TOGARAM2: variants seen among roughly 807,000 people sequenced by gnomAD.
The protein encoded by TOGARAM2 is TOG array regulator of axonemal microtubules protein 2.
In TOGARAM2, 85 loss-of-function variants were observed where a neutral mutation model predicts 93.3. That is an observed-to-expected ratio of 0.91 (90% CI 0.76 to 1.09). The LOEUF is 1.09. Ranked by LOEUF, TOGARAM2 falls within the 50% of genes least tolerant of loss-of-function variation. The pLI, the probability that TOGARAM2 is intolerant of heterozygous loss-of-function variation, is 0.00. For synonymous variants in TOGARAM2, 593 were observed against 552.8 expected (o/e 1.07, Z -1.02); for missense variants, 1,277 against 1,334.5 (o/e 0.96, Z 0.67).
chr2:28,989,656 T>C (rs1411659258), intron 1 of TOGARAM2, among the ~76,000 whole-genome samples: 1 of 152,170 alleles, frequency 6.6e-6, no homozygotes, highest in African/African-American at 2.4e-5. Flanking sequence ...CTGCCAGCCT[T>C]GGCCTCCCAA....
chr2:29,022,853 A>G (rs931694187), intron 11 of TOGARAM2, among the ~76,000 whole-genome samples: 2 of 152,104 alleles, frequency 1.3e-5, no homozygotes, highest in Non-Finnish European at 2.9e-5. Flanking sequence ...TCCATACAGC[A>G]CTGTCAGAGC....
At chr2:29,022,418 C>A in intron 11 of TOGARAM2, 110 bp downstream of exon 11, 1 of 1,466,206 alleles carries the variant, frequency 6.8e-7, no homozygotes. Context: ...GTTCCAGCAC[C>A]ATGGAGCATA....
At chr2:28,992,606 C>G (rs1049171384) in intron 1 of TOGARAM2, among the ~76,000 whole-genome samples, 5 of 152,100 alleles carry the variant, frequency 3.3e-5, no homozygotes, top group African/African-American at 1.2e-4. Flanking sequence ...TCAGGCGGCT[C>G]GAGTCTTCTT....
chr2:29,018,537 GA>G (rs1453877481), intron 10 of TOGARAM2: 1 of 151,536 alleles, frequency 6.6e-6, no homozygotes, highest in Non-Finnish European at 1.5e-5. Context: ...TTTTGCTACT[GA>G]AAAAAACTTA....
At position 29,052,053 on chromosome 2, in the gene TOGARAM2, G is replaced by A; in HGVS notation, c.3020G>A (p.Ser1007Asn). 1 of 1,600,132 alleles carries A rather than the reference G, an allele frequency of 6.2e-7. No individual in the cohort carries two copies. Among genetic ancestry groups the A allele is most frequent in the Non-Finnish European group, 8.5e-7 (1 of 1,171,814 alleles). The change falls in exon 20 of 20, where the codon AGC becomes AAC. Residue 1007 changes from serine (S) to asparagine (N), a missense_variant. Coordinates refer to ENST00000379558, the MANE Select transcript of TOGARAM2 (RefSeq NM_199280.4). Reference sequence around the variant, plus strand: ...ACTGACAGAGGGGTGGCCCCTGACAGCAAGACAACTGGCAGCTCATACCCT... The same window carrying A: ...ACTGACAGAGGGGTGGCCCCTGACAACAAGACAACTGGCAGCTCATACCCT... The part of the protein sequence containing the change: ...KATDRGVAPD[S>N]KTTGSSYPFQ...
chr2:29,039,405 C>T (rs1010118559), intron 18 of TOGARAM2, among the ~76,000 whole-genome samples: 2 of 152,146 alleles, frequency 1.3e-5, no homozygotes, highest in Non-Finnish European at 2.9e-5. Flanking sequence ...TCAAGGGGAT[C>T]AAGAATAATG....
Position 29,005,848 on chromosome 2 carries a change from ATG to A in TOGARAM2, c.830+2173_830+2174del, listed in dbSNP as rs1300862938. 3.6e-5 allele frequency among the ~76,000 whole-genome samples: 5 copies of A among 140,546 alleles called. No homozygotes were observed. In the East Asian group the frequency reaches 6.7e-4, roughly 19 times the overall value. 92.2% of individuals were successfully genotyped at this position (140,546 alleles called of 152,430 possible). ...TGTGTGCATGTGTATGTGTCAGTGC[ATG>A]TGTGTGCATATGTGTCAGTGCATGT... On this transcript the variant is annotated intron_variant, in intron 6 of 19. Coordinates refer to ENST00000379558, the MANE Select transcript of TOGARAM2 (RefSeq NM_199280.4).
In TOGARAM2 at chr2:29,003,612, C is replaced by T; in HGVS notation, c.760C>T (p.Pro254Ser). 6.3e-7 allele frequency: 1 copy of T among 1,593,296 alleles called. No individual in the cohort carries two copies. Among genetic ancestry groups the T allele is most frequent in the Non-Finnish European group, 8.5e-7 (1 of 1,170,976 alleles). ...GGTTGCAGCGACCCCCTCCCGTGTG[C>T]CTGGCTCCCTTCCCAGCCCGTTACC... ...RTVAATPSRV[P>S]GSLPSPLPPG... Residue 254 changes from proline to serine, a missense_variant, in exon 6 of 20, where the codon CCT becomes TCT. Transcript: ENST00000379558.
chr2:29,051,578 C>A, intron 19 of TOGARAM2, 178 bp from the exon 20 acceptor site: 1 of 525,316 alleles, frequency 1.9e-6, no homozygotes. Flanking sequence ...CATATATTTT[C>A]TACTAATGTT....
At chr2:28,981,093 C>T (rs1337328149), upstream of TOGARAM2, among the ~76,000 whole-genome samples, 2 of 152,234 alleles carry the variant, frequency 1.3e-5, no homozygotes, top group African/African-American at 2.4e-5. Context: ...TATGCACTTC[C>T]TGGCTGCAGT....
chr2:29,014,318 T>C (rs1337031747), intron 7 of TOGARAM2, 77 bp from the exon 8 acceptor site: 1 of 1,514,954 alleles, frequency 6.6e-7, no homozygotes, highest in South Asian at 1.2e-5. Flanking sequence ...AGCAGTAGAA[T>C]TGAGCCAGCC....
intron 19 of TOGARAM2, chr2:29,045,614 G>A: frequency 3.4e-6 from 2 of 580,910 alleles, no homozygotes; most frequent in Non-Finnish European, 6.2e-6. Context: ...AATGAAGTAG[G>A]TTTGTACAAA....
chr2:29,017,008 T>C, intron 8 of TOGARAM2, 146 bp from the exon 9 acceptor site: 1 of 989,774 alleles, frequency 1.0e-6, no homozygotes, highest in Non-Finnish European at 1.5e-6. Flanking sequence ...TCCCCCACAC[T>C]TCAAAGCTCT....
At position 29,000,282 on chromosome 2, in the gene TOGARAM2, A is replaced by G. The variant is rs546886030; in HGVS notation, c.427+814A>G. On this transcript the variant is annotated intron_variant, in intron 4 of 19. Coordinates refer to ENST00000379558, the MANE Select transcript of TOGARAM2 (RefSeq NM_199280.4). Reference sequence around the variant, plus strand: ...GCAGATGAACAAGGGATTCAACAGCAGGCACTTTATACTGTCTCTCATCTG... The same window carrying G: ...GCAGATGAACAAGGGATTCAACAGCGGGCACTTTATACTGTCTCTCATCTG... Among the ~76,000 whole-genome samples the G allele has an allele frequency of 3.9e-5, 6 of 152,224 alleles. 1 individual carries two copies. The South Asian group carries it at 1.2e-3, about 32-fold the overall frequency.
At chr2:28,983,223 T>G (rs1672311622) in intron 1 of TOGARAM2, among the ~76,000 whole-genome samples, 1 of 73,282 alleles carries the variant, frequency 1.4e-5, no homozygotes, top group Non-Finnish European at 3.2e-5. Flanking sequence ...TTTTTTTTTT[T>G]TTTGTAGAGA....
At chr2:29,012,704 G>C (rs1026872915) in intron 7 of TOGARAM2, among the ~76,000 whole-genome samples, 1 of 152,194 alleles carries the variant, frequency 6.6e-6, no homozygotes, top group Non-Finnish European at 1.5e-5. Context: ...GTCCTTAAAG[G>C]GCTCTCTGCC....
At position 28,999,476 on chromosome 2, in the gene TOGARAM2, C is replaced by T. The variant is rs999393979; in HGVS notation, c.427+8C>T. ...TGGCAGCGTCTTCCCGAGGTGAGCA[C>T]TGGCCCCTGCCCACCCCTCACCCAC... On this transcript the variant is annotated splice_region_variant and intron_variant, in intron 4 of 19. Coordinates refer to ENST00000379558, the MANE Select transcript of TOGARAM2 (RefSeq NM_199280.4). 6.3e-6 allele frequency: 10 copies of T among 1,586,350 alleles called. No homozygotes were observed. Among genetic ancestry groups the T allele is most frequent in the Non-Finnish European group, 7.7e-6 (9 of 1,165,396 alleles).
At chr2:28,987,666 G>A (rs1348687162) in intron 1 of TOGARAM2, among the ~76,000 whole-genome samples, 1 of 152,192 alleles carries the variant, frequency 6.6e-6, no homozygotes, top group Admixed American at 6.5e-5. Flanking sequence ...GGCACTGTTT[G>A]TCCCTTTGTC....
chr2:28,988,768 G>A (rs1672580034), intron 1 of TOGARAM2, among the ~76,000 whole-genome samples: 2 of 151,964 alleles, frequency 1.3e-5, no homozygotes, highest in Admixed American at 1.3e-4. Context: ...TTCCACTCAC[G>A]CCTCAGACCT....
Sources: allele counts gnomAD v4.1 joint callset (sites outside exome capture counted in the v4.1 genomes callset), GRCh38; gene constraint gnomAD v4.1.1; transcripts MANE v1.5; gene names NCBI Gene and HGNC (gene_info 2026-07-23, HGNC 2026-07-21).